The following SYNPO variants were observed in gnomAD, a reference collection of about 807,000 sequenced individuals.
The protein encoded by SYNPO is synaptopodin.
Under a neutral mutation model 49.5 loss-of-function variants are expected in SYNPO, and 19 were observed. The ratio of observed to expected loss-of-function variants is 0.38; its 90% CI spans 0.27 to 0.56. The LOEUF (loss-of-function observed/expected upper bound fraction) is 0.56, where lower values mean the gene tolerates loss of function less well. Ranked by LOEUF, SYNPO falls within the 20% of genes least tolerant of loss-of-function variation. The probability of loss-of-function intolerance (pLI) is 0.68; values close to 1 mark genes in which losing one functional copy is unlikely to be tolerated. For missense variants in SYNPO, 1,131 were observed against 1,248.3 expected (o/e 0.91, Z 1.42); for synonymous variants, 536 against 548.0 (o/e 0.98, Z 0.31).
chr5:150,652,496 C>A, intron 2 of SYNPO: 1 of 772,736 alleles, frequency 1.3e-6, no homozygotes, highest in Non-Finnish European at 1.6e-6. Context: ...GTGTCTGGTT[C>A]TGCACTGGTA....
At chr5:150,628,044 G>GTT (rs1757418837) in intron 2 of SYNPO, among the ~76,000 whole-genome samples, 2 of 133,178 alleles carry the variant, frequency 1.5e-5, no homozygotes, top group Admixed American at 7.0e-5. Context: ...TTCTGTGTGT[G>GTT]TGTGTGTGTG....
chr5:150,634,954 G>T (rs894426481), intron 2 of SYNPO, among the ~76,000 whole-genome samples: 13 of 152,234 alleles, frequency 8.5e-5, no homozygotes, highest in South Asian at 6.2e-4. Context: ...ATGTACCCTT[G>T]GAAAAGGGAG....
At chr5:150,642,331 C>T (rs1003770420) in intron 1 of SYNPO, among the ~76,000 whole-genome samples, 2 of 152,236 alleles carry the variant, frequency 1.3e-5, no homozygotes, top group East Asian at 1.9e-4. Flanking sequence ...TCTTGAAGGC[C>T]TATCTTCAGG....
In SYNPO at chr5:150,648,243, C is replaced by T; in HGVS notation, c.-33C>T. ...AGGCCCTCCACGGCACCCCAGTCCC[C>T]AGAGCCCCGACAGAGGGGTCCCTGG... On this transcript the variant is annotated 5_prime_UTR_variant, in exon 2 of 3. Coordinates refer to ENST00000307662, the MANE Select transcript of SYNPO (RefSeq NM_007286.6). The surrounding 1 kb of genome is among the most constrained non-coding windows in gnomAD (Gnocchi z 5.0). 6.2e-7 allele frequency: 1 copy of T among 1,613,564 alleles called. No homozygotes were observed. The highest frequency in any genetic ancestry group is 2.2e-5 in the East Asian group (1 of 44,862).
rs770639916 is a variant in SYNPO at position 150,650,201 on chromosome 5, C to A, written c.1926C>A (p.Gly642=). The A allele has an allele frequency of 8.7e-6, 14 of 1,613,948 alleles. No individual in the cohort carries two copies. Among genetic ancestry groups the A allele is most frequent in the Non-Finnish European group, 1.1e-5 (13 of 1,180,016 alleles). Residue 642 remains glycine, a synonymous_variant, in exon 2 of 3, where the codon GGC becomes GGA. Transcript: ENST00000307662. Reference sequence around the variant, plus strand: ...CCACTGCCGTGAGCCCTCCTTACGGCGGTGACATCTCCCCCGTGTCTCCCT... The same window carrying A: ...CCACTGCCGTGAGCCCTCCTTACGGAGGTGACATCTCCCCCGTGTCTCCCT... ...LQPTAVSPPY[G]GDISPVSPSR...
upstream of SYNPO, among the ~76,000 whole-genome samples, chr5:150,598,730 A>G (rs1159204271): frequency 1.3e-5 from 2 of 152,022 alleles, no homozygotes; most frequent in Non-Finnish European, 2.9e-5. Context: ...ACTGTTACCA[A>G]CAGAGAGTTC....
At chr5:150,619,095 CA>C (rs1757069811) in intron 2 of SYNPO, among the ~76,000 whole-genome samples, 1 of 151,920 alleles carries the variant, frequency 6.6e-6, no homozygotes, top group African/African-American at 2.4e-5. Context: ...TTAGCGGCAA[CA>C]AATCACTGCG....
intron 1 of SYNPO, among the ~76,000 whole-genome samples, chr5:150,605,500 AAGAAGGT>A (rs1756666608): frequency 6.6e-6 from 1 of 152,084 alleles, no homozygotes; most frequent in Non-Finnish European, 1.5e-5. Context: ...GGGTGGGGGC[AAGAAGGT>A]AGGAAATCTT....
At chr5:150,635,522 G>T (rs1180556056) in intron 2 of SYNPO, among the ~76,000 whole-genome samples, 1 of 152,210 alleles carries the variant, frequency 6.6e-6, no homozygotes, top group Non-Finnish European at 1.5e-5. Context: ...AGGCTGGAGT[G>T]CAGTGACGCA....
At chr5:150,612,291 G>T (rs752921) in intron 1 of SYNPO, among the ~76,000 whole-genome samples, 15 of 151,946 alleles carry the variant, frequency 9.9e-5, no homozygotes, top group Non-Finnish European at 1.6e-4. Flanking sequence ...GGATGCCTCC[G>T]TTTTGCTCCT....
intron 2 of SYNPO, among the ~76,000 whole-genome samples, chr5:150,619,465 A>T (rs1322690823): frequency 6.6e-6 from 1 of 152,190 alleles, no homozygotes; most frequent in East Asian, 1.9e-4. Context: ...GGGAGAGCAC[A>T]GTGTGCGCGG....
intron 2 of SYNPO, among the ~76,000 whole-genome samples, chr5:150,634,067 CTT>C (rs1229425433): frequency 6.6e-6 from 1 of 152,116 alleles, no homozygotes; most frequent in East Asian, 1.9e-4. Flanking sequence ...CAGACATTTT[CTT>C]GTGTTCACTA....
At chr5:150,597,863 C>T (rs980852406), upstream of SYNPO, among the ~76,000 whole-genome samples, 7 of 152,128 alleles carry the variant, frequency 4.6e-5, no homozygotes, top group Non-Finnish European at 7.3e-5. Context: ...GTCTTGAACT[C>T]CTGACCTCAA....
rs562040700 is a variant in SYNPO at position 150,647,358 on chromosome 5, A to G, written c.-332-586A>G. ...AGATCATTTCAACTTGGTGAATGCT[A>G]TGGAGAAAACAAAACAGATGGGATA... On this transcript the variant is annotated intron_variant, in intron 1 of 2. Transcript: ENST00000307662. Among the ~76,000 whole-genome samples, 173 of 152,294 alleles carry G rather than the reference A, an allele frequency of 1.1e-3. 9 individuals carry two copies. The South Asian group carries it at 0.034, about 30-fold the overall frequency.
the SYNPO span, among the ~76,000 whole-genome samples, chr5:150,588,454 G>A: frequency 2.0e-5 from 3 of 152,174 alleles, no homozygotes; most frequent in African/African-American, 7.2e-5. Flanking sequence ...CCAGCCTCAG[G>A]CTGCCTGTCC....
At chr5:150,595,665 C>T in the SYNPO span, among the ~76,000 whole-genome samples, 1 of 152,228 alleles carries the variant, frequency 6.6e-6, no homozygotes. Context: ...TAATTTTCTC[C>T]GCTGCAGACA....
intron 2 of SYNPO, among the ~76,000 whole-genome samples, chr5:150,631,609 G>A (rs192616907): frequency 7.9e-5 from 12 of 152,284 alleles, no homozygotes; most frequent in African/African-American, 2.4e-4. Context: ...GGCTTGAGGC[G>A]GATCATAGGA....
chr5:150,634,960 G>A (rs1757665980), intron 2 of SYNPO, among the ~76,000 whole-genome samples: 1 of 152,176 alleles, frequency 6.6e-6, no homozygotes, highest in South Asian at 2.1e-4. Flanking sequence ...CCTTGGAAAA[G>A]GGAGACTATG....
chr5:150,650,151 T>TC lies in SYNPO; in HGVS notation c.1881dup (p.Gly628ArgfsTer17). On this transcript the variant is annotated frameshift_variant, in exon 2 of 3. Transcript: ENST00000307662. LOFTEE classifies it high-confidence loss of function. The stretch of plus-strand genomic sequence containing the variant: ...GCGCTCCTCACCGGGCCTCTACACC[T>TC]CCCCCGGCCAGGACAGCCTGCAGCC... 6.2e-7 allele frequency: 1 copy of TC among 1,613,178 alleles called. No individual in the cohort carries two copies. Among genetic ancestry groups the TC allele is most frequent in the Non-Finnish European group, 8.5e-7 (1 of 1,179,818 alleles).
Sources: allele counts gnomAD v4.1 joint callset (sites outside exome capture counted in the v4.1 genomes callset), GRCh38; gene constraint gnomAD v4.1.1; non-coding constraint Gnocchi (gnomAD v3.1); transcripts MANE v1.5; gene names NCBI Gene and HGNC (gene_info 2026-07-23, HGNC 2026-07-21).